The following SAE1 variants were observed in gnomAD, a reference collection of about 807,000 sequenced individuals.
SAE1 encodes SUMO-activating enzyme subunit 1.
SAE1 carries 11 observed loss-of-function variants against 40.6 expected under a neutral mutation model. The ratio of observed to expected loss-of-function variants is 0.27; its 90% confidence interval spans 0.17 to 0.45. SAE1 has a LOEUF of 0.45. Among genes scored for constraint, SAE1 ranks in the 20% least tolerant of loss-of-function variants. SAE1 has a pLI of 1.00. For synonymous variants in SAE1, 155 were observed against 154.3 expected (o/e 1.00, Z -0.03); for missense variants, 373 against 427.3 (o/e 0.87, Z 1.12).
intron 7 of SAE1, among the ~76,000 whole-genome samples, chr19:47,203,018 G>A (rs948938651): frequency 2.6e-5 from 4 of 152,168 alleles, no homozygotes; most frequent in Non-Finnish European, 5.9e-5. Flanking sequence ...TGAGCACACA[G>A]CATTGTGTTC....
intron 7 of SAE1, among the ~76,000 whole-genome samples, chr19:47,199,869 G>T (rs555597233): frequency 6.6e-6 from 1 of 151,838 alleles, no homozygotes; most frequent in African/African-American, 2.4e-5. Context: ...GTCATCAGCC[G>T]CTGACCTCAC....
chr19:47,179,335 GT>G (rs891200190), intron 6 of SAE1, among the ~76,000 whole-genome samples: 4 of 151,490 alleles, frequency 2.6e-5, no homozygotes, highest in Non-Finnish European at 5.9e-5. Context: ...GTGAAACCCT[GT>G]CTCTACTAAA....
chr19:47,207,598 C>T (rs887145791), intron 8 of SAE1, among the ~76,000 whole-genome samples: 2 of 152,102 alleles, frequency 1.3e-5, no homozygotes, highest in African/African-American at 2.4e-5. Flanking sequence ...TATGTTGTTT[C>T]GGGGGCTGAC....
intron 2 of SAE1, among the ~76,000 whole-genome samples, chr19:47,146,252 C>T (rs1204204968): frequency 1.3e-5 from 2 of 152,096 alleles, no homozygotes; most frequent in African/African-American, 4.8e-5. Context: ...TTACTTAATC[C>T]TCTGGGTGGT....
At chr19:47,195,559 G>C (rs2058608327) in intron 6 of SAE1, among the ~76,000 whole-genome samples, 1 of 151,906 alleles carries the variant, frequency 6.6e-6, no homozygotes, top group African/African-American at 2.4e-5. Context: ...CTGTTTGATG[G>C]GTCTAAGTAT....
chr19:47,189,125 C>T (rs930250270), intron 6 of SAE1, among the ~76,000 whole-genome samples: 1 of 152,184 alleles, frequency 6.6e-6, no homozygotes, highest in Admixed American at 6.6e-5. Flanking sequence ...ATGTCAGGCC[C>T]AGGGCTTTGC....
chr19:47,140,047 C>G (rs2058210163), intron 1 of SAE1, among the ~76,000 whole-genome samples: 1 of 150,702 alleles, frequency 6.6e-6, no homozygotes, highest in Non-Finnish European at 1.5e-5. Flanking sequence ...AAGCGATTCT[C>G]CTGCCTCAGC....
At chr19:47,143,438 G>A (rs1019121099) in intron 1 of SAE1, 56 bp from the exon 2 acceptor site, 6 of 1,408,160 alleles carry the variant, frequency 4.3e-6, no homozygotes, top group Non-Finnish European at 6.0e-6. Flanking sequence ...TTGTTCTTCT[G>A]TGATTCTGCA....
At chr19:47,174,427 G>A (rs534211713) in intron 6 of SAE1, among the ~76,000 whole-genome samples, 1 of 149,864 alleles carries the variant, frequency 6.7e-6, no homozygotes, top group Non-Finnish European at 1.5e-5. Flanking sequence ...ATGGAGTTTC[G>A]CTCTTGTTGA....
At chr19:47,171,765 C>T (rs571378811) in intron 6 of SAE1, among the ~76,000 whole-genome samples, 2 of 147,348 alleles carry the variant, frequency 1.4e-5, no homozygotes, top group South Asian at 2.1e-4. Context: ...CACCTGGCTG[C>T]GCTAATTTTT....
chr19:47,180,218 A>G (rs1421756629), intron 6 of SAE1: 1 of 456,200 alleles, frequency 2.2e-6, no homozygotes, highest in Non-Finnish European at 4.4e-6. Context: ...ACTCATGCCA[A>G]GATGTTAATA....
chr19:47,143,292 A>C (rs973201507), intron 1 of SAE1, among the ~76,000 whole-genome samples: 8 of 151,982 alleles, frequency 5.3e-5, no homozygotes, highest in Non-Finnish European at 8.8e-5. Context: ...TTTAGTAGAG[A>C]CGGGGTTTCA....
intron 6 of SAE1, among the ~76,000 whole-genome samples, chr19:47,182,510 C>T (rs948054845): frequency 9.3e-5 from 14 of 150,736 alleles, no homozygotes; most frequent in South Asian, 2.1e-4. Flanking sequence ...CGCACGCACG[C>T]GCGCGCGCAC....
chr19:47,206,700 T>A (rs1236393414), intron 8 of SAE1, among the ~76,000 whole-genome samples: 3 of 152,166 alleles, frequency 2.0e-5, no homozygotes, highest in Non-Finnish European at 4.4e-5. Flanking sequence ...GTCTAAGAGT[T>A]CCACCTGTGT....
intron 6 of SAE1, chr19:47,180,448 A>G (rs1375951356): frequency 2.8e-6 from 1 of 358,782 alleles, no homozygotes; most frequent in East Asian, 7.3e-5. Context: ...CTATCACCAT[A>G]GTAGTAACAA....
rs974065176 is a variant in SAE1, at chr19:47,170,031, C to T, written c.733+108C>T. The stretch of plus-strand genomic sequence containing the variant: ...TGTGATGTTTGCCTTGGGTGGCATT[C>T]TTCATTGGCTAGTTCTCAGTGATCA... On this transcript the variant is annotated intron_variant, in intron 6 of 8. Transcript: ENST00000270225. The T allele has an allele frequency of 1.7e-5, 13 of 781,108 alleles. No homozygotes were observed. In the African/African-American group the frequency reaches 2.2e-4, roughly 13 times the overall value. The allele number at this position is 781,108 out of a possible 1,614,324, so 48.4% of individuals were successfully genotyped here.
intron 8 of SAE1, among the ~76,000 whole-genome samples, chr19:47,206,365 G>C (rs1235259060): frequency 6.6e-6 from 1 of 152,184 alleles, no homozygotes; most frequent in Non-Finnish European, 1.5e-5. Flanking sequence ...GGCAGGCGGG[G>C]CCTGCAGTCC....
At chr19:47,131,119 T>A in intron 1 of SAE1, 91 bp downstream of exon 1, 1 of 1,442,272 alleles carries the variant, frequency 6.9e-7, no homozygotes, top group Non-Finnish European at 9.1e-7. Flanking sequence ...GAAGGTGTGA[T>A]TTGAAGGGAG....
chr19:47,191,428 G>A lies in SAE1; in HGVS notation c.734-5805G>A, dbSNP rs552433949. ...GAGGATATTGCATCAAATGTTAAAC[G>A]CTAGTCCTGTCAGTCACTCCTGAGA... is the stretch of plus-strand genomic sequence containing the variant. On this transcript the variant is annotated intron_variant, in intron 6 of 8. Coordinates refer to ENST00000270225, the MANE Select transcript of SAE1 (RefSeq NM_005500.3). Among the ~76,000 whole-genome samples the A allele has an allele frequency of 5.3e-5, 8 of 152,248 alleles. No individual in the cohort carries two copies. In the South Asian group the frequency reaches 1.2e-3, roughly 24 times the overall value.
Sources: allele counts gnomAD v4.1 joint callset (sites outside exome capture counted in the v4.1 genomes callset), GRCh38; gene constraint gnomAD v4.1.1; transcripts MANE v1.5; gene names NCBI Gene and HGNC (gene_info 2026-07-23, HGNC 2026-07-21).